NEBL: variants seen among roughly 807,000 people sequenced by gnomAD.
NEBL encodes the protein nebulette.
In NEBL, 122 loss-of-function variants were observed where a neutral mutation model predicts 140.2. The observed-to-expected ratio is 0.87, with a 90% CI of 0.75 to 1.01. The LOEUF (loss-of-function observed/expected upper bound fraction) is 1.01. NEBL is among the 50% of genes least tolerant of loss of function. NEBL has a pLI of 0.00. For synonymous variants in NEBL, 436 were observed against 398.9 expected, an observed-to-expected ratio of 1.09 and a Z score of -1.11; for missense variants, 1,365 against 1,231.3, an observed-to-expected ratio of 1.11 and a Z score of -1.62.
chr10:21,221,862 C>A (rs1240526841), intron 3 of NEBL, among the ~76,000 whole-genome samples: 1 of 151,934 alleles, frequency 6.6e-6, no homozygotes, highest in Non-Finnish European at 1.5e-5. Context: ...GGCTTCTGTC[C>A]TCTCTCATTC....
chr10:20,885,970 T>C (rs1564420624), intron 4 of NEBL, among the ~76,000 whole-genome samples: 1 of 152,196 alleles, frequency 6.6e-6, no homozygotes, highest in Non-Finnish European at 1.5e-5. Flanking sequence ...AAATGTGTAA[T>C]AGTGAAACAC....
chr10:21,158,507 G>A (rs1234296038), intron 2 of NEBL, among the ~76,000 whole-genome samples: 1 of 152,154 alleles, frequency 6.6e-6, no homozygotes, highest in African/African-American at 2.4e-5. Flanking sequence ...CATTTTGTAG[G>A]TGAGGAAACC....
intron 14 of NEBL, among the ~76,000 whole-genome samples, chr10:20,834,857 A>T (rs1262719610): frequency 2.0e-5 from 3 of 152,234 alleles, no homozygotes; most frequent in Non-Finnish European, 4.4e-5. Flanking sequence ...AAAAATATGC[A>T]TATGGTCTGA....
In NEBL at chr10:21,238,210, G is replaced by GA. The variant is rs776384553; in HGVS notation, n.348+9710dup. Among the ~76,000 whole-genome samples the GA allele has an allele frequency of 5.9e-5, 9 of 152,190 alleles. 1 individual carries two copies. The East Asian group carries it at 1.7e-3, about 29-fold the overall frequency. On this transcript the variant is annotated intron_variant and non_coding_transcript_variant, in intron 3 of 8. Coordinates refer to the NEBL transcript ENST00000675702. ...ATGTCACCCTCAACAACAGTTGGGA[G>GA]AAAGTCAAGGAAGTATACACACATT...
chr10:20,885,881 G>A (rs183944013), intron 4 of NEBL, among the ~76,000 whole-genome samples: 8 of 152,246 alleles, frequency 5.3e-5, no homozygotes, highest in East Asian at 1.9e-4. Context: ...CATGCAGAAC[G>A]TTGACATCAT....
intron 2 of NEBL, among the ~76,000 whole-genome samples, chr10:21,040,502 A>G (rs1042377529): frequency 1.3e-5 from 2 of 152,080 alleles, no homozygotes; most frequent in Non-Finnish European, 2.9e-5. Flanking sequence ...GGAGAAATAG[A>G]GGAGAGAAGG....
intron 3 of NEBL, among the ~76,000 whole-genome samples, chr10:21,242,271 A>G (rs1842449898): frequency 1.3e-5 from 2 of 152,208 alleles, no homozygotes; most frequent in South Asian, 4.1e-4. Context: ...CATACACACC[A>G]TGGAATACTA....
intron 2 of NEBL, among the ~76,000 whole-genome samples, chr10:21,148,522 T>G (rs1045485572): frequency 1.3e-5 from 2 of 151,944 alleles, no homozygotes; most frequent in Non-Finnish European, 2.9e-5. Context: ...TGTTGTTTTG[T>G]TTTTGTTTTT....
At chr10:21,141,117 G>C (rs1310205754) in intron 2 of NEBL, among the ~76,000 whole-genome samples, 1 of 145,306 alleles carries the variant, frequency 6.9e-6, no homozygotes, top group Non-Finnish European at 1.5e-5. Flanking sequence ...TGAAAGAAAA[G>C]AAAGAAATGT....
At chr10:20,991,231 T>C (rs1352761013) in intron 3 of NEBL, among the ~76,000 whole-genome samples, 1 of 152,110 alleles carries the variant, frequency 6.6e-6, no homozygotes, top group Non-Finnish European at 1.5e-5. Flanking sequence ...ATATAGGAGA[T>C]TTTTTACAGT....
intron 2 of NEBL, among the ~76,000 whole-genome samples, chr10:21,095,575 A>G (rs1837148229): frequency 6.6e-6 from 1 of 152,198 alleles, no homozygotes; most frequent in Non-Finnish European, 1.5e-5. Flanking sequence ...ATTATTTAGG[A>G]TGTGATTTTA....
At chr10:21,020,905 T>G (rs942744054) in intron 2 of NEBL, among the ~76,000 whole-genome samples, 2 of 152,176 alleles carry the variant, frequency 1.3e-5, no homozygotes, top group African/African-American at 2.4e-5. Context: ...CCCACAGCTT[T>G]GGGGCCTCTC....
intron 2 of NEBL, among the ~76,000 whole-genome samples, chr10:21,151,721 C>T (rs1424648709): frequency 1.3e-5 from 2 of 152,122 alleles, no homozygotes; most frequent in East Asian, 3.9e-4. Context: ...AGGTTCACTC[C>T]GTGCCCTTGC....
intron 3 of NEBL, among the ~76,000 whole-genome samples, chr10:20,991,871 G>T (rs982010365): frequency 2.0e-5 from 3 of 148,286 alleles, no homozygotes; most frequent in African/African-American, 7.5e-5. Flanking sequence ...TGCAGTGTTT[G>T]GTTTTCTGTT....
chr10:20,992,622 C>T (rs1837504923), intron 3 of NEBL, among the ~76,000 whole-genome samples: 2 of 152,040 alleles, frequency 1.3e-5, no homozygotes, highest in African/African-American at 4.8e-5. Flanking sequence ...GAGCCCTATC[C>T]CTGACTGCTC....
intron 4 of NEBL, among the ~76,000 whole-genome samples, chr10:20,927,223 G>A (rs1029171998): frequency 6.6e-6 from 1 of 152,238 alleles, no homozygotes; most frequent in Non-Finnish European, 1.5e-5. Context: ...AGTTTGGGAT[G>A]TGCTGACCCG....
intron 2 of NEBL, chr10:21,069,958 G>T: frequency 2.2e-6 from 1 of 456,194 alleles, no homozygotes; most frequent in Non-Finnish European, 4.4e-6. Flanking sequence ...ACTTACAGCG[G>T]CTTAGGGACT....
At chr10:21,017,920 T>C (rs986157155) in intron 3 of NEBL, among the ~76,000 whole-genome samples, 1 of 152,002 alleles carries the variant, frequency 6.6e-6, no homozygotes, top group African/African-American at 2.4e-5. Context: ...ACCTCCCATG[T>C]TCAAGCAATT....
chr10:20,854,589 G>A lies in NEBL; in HGVS notation c.904-1940C>T, dbSNP rs573932067. Reference sequence around the variant, plus strand: ...TTTTTTTTTTTTTTTTTTTTGGACAGGGTCTTGCTCTGTCACCCAGGCTGG... The same window carrying A: ...TTTTTTTTTTTTTTTTTTTTGGACAAGGTCTTGCTCTGTCACCCAGGCTGG... On this transcript the variant is annotated intron_variant, in intron 9 of 27. Coordinates refer to ENST00000377122, the MANE Select transcript of NEBL (RefSeq NM_006393.3). 4.1e-5 allele frequency among the ~76,000 whole-genome samples: 5 copies of A among 123,200 alleles called. No homozygotes were observed. The South Asian group carries it at 9.7e-4, about 24-fold the overall frequency. The allele number at this position is 123,200 out of a possible 152,430, so 80.8% of individuals were successfully genotyped here. A position where few individuals can be genotyped will look rare whatever the true frequency, so the allele number is the denominator to read the frequency against.
Sources: allele counts gnomAD v4.1 joint callset (sites outside exome capture counted in the v4.1 genomes callset), GRCh38; gene constraint gnomAD v4.1.1; transcripts MANE v1.5; gene names NCBI Gene and HGNC (gene_info 2026-07-23, HGNC 2026-07-21).